The following METTL15 variants were observed in gnomAD, a reference collection of about 807,000 sequenced individuals.
The protein encoded by METTL15 is 12S rRNA N(4)-cytidine methyltransferase METTL15.
METTL15 carries 34 observed loss-of-function variants against 38.3 expected under a neutral mutation model. The observed-to-expected ratio is 0.89, with a 90% CI of 0.68 to 1.18. The LOEUF is 1.18. METTL15 is among the 50% of genes most tolerant of loss of function. The probability of loss-of-function intolerance (pLI) is 0.00; values close to 1 mark genes in which losing one functional copy is unlikely to be tolerated. For synonymous variants in METTL15, 162 were observed against 170.9 expected (o/e 0.95, Z 0.41); for missense variants, 438 against 498.4 (o/e 0.88, Z 1.15).
chr11:28,151,050 A>G (rs1323595795), intron 3 of METTL15, among the ~76,000 whole-genome samples: 1 of 151,260 alleles, frequency 6.6e-6, no homozygotes, highest in African/African-American at 2.4e-5. Flanking sequence ...GGTAATAAGG[A>G]AAGTTTTCCG....
intron 5 of METTL15, among the ~76,000 whole-genome samples, chr11:28,387,697 A>G (rs1009887989): frequency 2.6e-5 from 4 of 152,062 alleles, no homozygotes; most frequent in Non-Finnish European, 5.9e-5. Flanking sequence ...CATTTTTTTG[A>G]TGCCAGCATT....
intron 3 of METTL15, among the ~76,000 whole-genome samples, chr11:28,119,539 G>A (rs531147678): frequency 9.9e-5 from 15 of 152,240 alleles, no homozygotes; most frequent in African/African-American, 3.1e-4. Context: ...GCACCTAAAC[G>A]GAAGCAAAAT....
chr11:28,201,056 A>G (rs1160837757), intron 3 of METTL15, among the ~76,000 whole-genome samples: 3 of 152,126 alleles, frequency 2.0e-5, no homozygotes, highest in Admixed American at 6.6e-5. Context: ...TTTGTCATAA[A>G]TAGCTGTTAT....
At chr11:28,312,431 G>A (rs562113165) in intron 6 of METTL15, among the ~76,000 whole-genome samples, 16 of 152,312 alleles carry the variant, frequency 1.1e-4, no homozygotes, top group Middle Eastern at 6.8e-3. Flanking sequence ...TATCTCAGAA[G>A]TTGTAGCTGT....
chr11:28,218,931 C>G (rs576909454), intron 4 of METTL15, among the ~76,000 whole-genome samples: 4 of 152,144 alleles, frequency 2.6e-5, no homozygotes, highest in Non-Finnish European at 4.4e-5. Flanking sequence ...GGTGGATAAG[C>G]TCTTTGATGT....
intron 4 of METTL15, among the ~76,000 whole-genome samples, chr11:28,354,921 C>T (rs776155263): frequency 5.9e-5 from 9 of 152,096 alleles, no homozygotes; most frequent in Admixed American, 2.0e-4. Flanking sequence ...GATACTGAGG[C>T]TGAGCAGTTT....
chr11:28,462,115 A>G (rs775289899), intron 6 of METTL15, among the ~76,000 whole-genome samples: 3 of 152,138 alleles, frequency 2.0e-5, no homozygotes, highest in Non-Finnish European at 4.4e-5. Flanking sequence ...CAGTGCTATG[A>G]GTACATGAAG....
intron 3 of METTL15, among the ~76,000 whole-genome samples, chr11:28,171,898 C>T (rs1053761970): frequency 1.3e-5 from 2 of 151,802 alleles, no homozygotes; most frequent in African/African-American, 2.4e-5. Flanking sequence ...CTCAGGTGAT[C>T]CTCCTGCTTC....
intron 6 of METTL15, among the ~76,000 whole-genome samples, chr11:28,476,543 C>CT (rs535373467): frequency 1.4e-3 from 212 of 152,280 alleles, no homozygotes; most frequent in African/African-American, 4.9e-3. Context: ...TGAGACAGAC[C>CT]TTAGAGGCTT....
chr11:28,429,820 CGTCTGGGATGTGAGGAG>C (rs1850899480), intron 6 of METTL15, among the ~76,000 whole-genome samples: 1 of 49,038 alleles, frequency 2.0e-5, no homozygotes, highest in Non-Finnish European at 3.9e-5. Flanking sequence ...GGCCGCCCAT[CGTCTGGGATGTGAGGAG>C]CCCCTCTGCC....
At chr11:28,501,482 T>C (rs948489851) in intron 6 of METTL15, among the ~76,000 whole-genome samples, 1 of 152,182 alleles carries the variant, frequency 6.6e-6, no homozygotes, top group African/African-American at 2.4e-5. Flanking sequence ...CTTGAGATTT[T>C]ATCTGAGGAG....
chr11:28,236,738 A>C (rs1853999159), intron 4 of METTL15, among the ~76,000 whole-genome samples: 1 of 152,134 alleles, frequency 6.6e-6, no homozygotes, highest in South Asian at 2.1e-4. Context: ...AGTGGCTGGT[A>C]CCAGTTGTGC....
intron 6 of METTL15, among the ~76,000 whole-genome samples, chr11:28,322,412 A>C (rs1051951924): frequency 3.3e-5 from 5 of 152,148 alleles, no homozygotes; most frequent in Non-Finnish European, 4.4e-5. Context: ...ATTTGAAAAG[A>C]TGTCCAACCT....
At chr11:28,379,021 A>G (rs537141892) in intron 5 of METTL15, among the ~76,000 whole-genome samples, 3 of 151,910 alleles carry the variant, frequency 2.0e-5, no homozygotes, top group African/African-American at 4.8e-5. Context: ...ATTGTTCATA[A>G]TAGTCTCTAA....
At chr11:28,372,672 G>C (rs1850258179) in intron 5 of METTL15, among the ~76,000 whole-genome samples, 1 of 150,554 alleles carries the variant, frequency 6.6e-6, no homozygotes, top group Non-Finnish European at 1.5e-5. Flanking sequence ...ACATTGTGCA[G>C]GTTAGTTACA....
chr11:28,366,574 G>T (rs1850188341), intron 5 of METTL15, among the ~76,000 whole-genome samples: 2 of 152,154 alleles, frequency 1.3e-5, no homozygotes, highest in African/African-American at 4.8e-5. Flanking sequence ...CCCATAAGAA[G>T]AGAGGAGCCT....
chr11:28,389,659 C>G (rs1452061585), intron 5 of METTL15, among the ~76,000 whole-genome samples: 1 of 151,822 alleles, frequency 6.6e-6, no homozygotes, highest in East Asian at 1.9e-4. Context: ...GGTTCCAGGT[C>G]TTTGCTATTG....
intron 3 of METTL15, among the ~76,000 whole-genome samples, chr11:28,164,514 T>A (rs1224675481): frequency 3.3e-5 from 5 of 152,084 alleles, no homozygotes; most frequent in Admixed American, 3.3e-4. Flanking sequence ...AATTAGTTTA[T>A]AATTATCTCA....
chr11:28,380,521 T>C (rs1278668440), intron 5 of METTL15, among the ~76,000 whole-genome samples: 1 of 152,192 alleles, frequency 6.6e-6, no homozygotes, highest in Non-Finnish European at 1.5e-5. Context: ...TTTGTTGCTT[T>C]CTGGTTGTTT....
Sources: gnomAD v4.1 joint callset for allele counts (sites outside exome capture counted in the v4.1 genomes callset) on GRCh38, gnomAD v4.1.1 for gene constraint, MANE v1.5 for transcripts, NCBI Gene and HGNC (gene_info 2026-07-23, HGNC 2026-07-21) for gene names.